Variants in NCALD observed in about 807,000 individuals in gnomAD.
NCALD encodes the protein neurocalcin delta.
A neutral mutation model predicts 18.6 loss-of-function variants in NCALD; 10 were observed. The observed-to-expected ratio is 0.54, with a 90% confidence interval of 0.33 to 0.91. The LOEUF (loss-of-function observed/expected upper bound fraction) is 0.91, where lower values mean the gene tolerates loss of function less well. NCALD is among the 40% of genes least tolerant of loss of function. NCALD has a pLI of 0.03. For synonymous variants in NCALD, 88 were observed against 87.4 expected, an observed-to-expected ratio of 1.01 and a Z score of -0.04; for missense variants, 184 against 247.6, an observed-to-expected ratio of 0.74 and a Z score of 1.72.
chr8:101,954,515 A>G (rs1257113982), intron 2 of NCALD, among the ~76,000 whole-genome samples: 2 of 152,094 alleles, frequency 1.3e-5, no homozygotes, highest in African/African-American at 4.8e-5. Context: ...TACTCTTACC[A>G]TGAGGGAAAC....
intron 2 of NCALD, among the ~76,000 whole-genome samples, chr8:101,985,789 A>T (rs1380492034): frequency 9.2e-5 from 14 of 152,114 alleles, no homozygotes; most frequent in Non-Finnish European, 2.1e-4. Context: ...ATTTATACTC[A>T]ACATTTCTTC....
intron 3 of NCALD, among the ~76,000 whole-genome samples, chr8:101,896,417 A>G (rs867589126): frequency 6.6e-6 from 1 of 152,166 alleles, no homozygotes; most frequent in African/African-American, 2.4e-5. Flanking sequence ...AAACCCTAGA[A>G]GAAAACCTAG....
At chr8:101,787,448 C>T (rs1483148483) in intron 1 of NCALD, among the ~76,000 whole-genome samples, 1 of 152,182 alleles carries the variant, frequency 6.6e-6, no homozygotes, top group Non-Finnish European at 1.5e-5. Context: ...TCATAGCTCC[C>T]ATTCTCTTAC....
intron 1 of NCALD, among the ~76,000 whole-genome samples, chr8:102,043,692 G>A (rs914594713): frequency 4.8e-5 from 7 of 146,884 alleles, no homozygotes; most frequent in African/African-American, 1.8e-4. Flanking sequence ...AGACGAGGAG[G>A]AGGAGGAAGA....
chr8:101,724,529 A>C (rs776980606), intron 1 of NCALD, among the ~76,000 whole-genome samples: 5 of 152,242 alleles, frequency 3.3e-5, no homozygotes, highest in Non-Finnish European at 5.9e-5. Context: ...GAGTTTAATG[A>C]TATGAGTTCA....
intron 4 of NCALD, among the ~76,000 whole-genome samples, chr8:101,809,620 C>A (rs1813232968): frequency 6.6e-6 from 1 of 152,174 alleles, no homozygotes; most frequent in Admixed American, 6.5e-5. Context: ...GATCTCAGTT[C>A]ACTGCAAACT....
intron 2 of NCALD, among the ~76,000 whole-genome samples, chr8:102,014,018 G>A (rs1440114862): frequency 2.6e-5 from 4 of 152,140 alleles, no homozygotes. Context: ...GACCCTGTGG[G>A]CCAGGTTTTT....
chr8:101,879,493 G>C (rs1309735439), intron 4 of NCALD, among the ~76,000 whole-genome samples: 1 of 151,696 alleles, frequency 6.6e-6, no homozygotes, highest in Non-Finnish European at 1.5e-5. Context: ...AGCTCATAAA[G>C]ACAGTACAGA....
At chr8:102,000,055 C>T (rs920286800) in intron 2 of NCALD, among the ~76,000 whole-genome samples, 10 of 152,166 alleles carry the variant, frequency 6.6e-5, no homozygotes, top group African/African-American at 9.7e-5. Flanking sequence ...GTGGGTCCAG[C>T]GCACCGAGCG....
intron 1 of NCALD, among the ~76,000 whole-genome samples, chr8:101,789,632 A>G (rs1367147996): frequency 6.6e-6 from 1 of 152,228 alleles, no homozygotes; most frequent in Non-Finnish European, 1.5e-5. Context: ...CACACTGTGA[A>G]TATATGGTAT....
chr8:101,975,949 C>T (rs541111329), intron 2 of NCALD, among the ~76,000 whole-genome samples: 1 of 152,260 alleles, frequency 6.6e-6, no homozygotes, highest in East Asian at 1.9e-4. Context: ...GTCTTGACTG[C>T]TGGTTGGGTT....
intron 3 of NCALD, among the ~76,000 whole-genome samples, chr8:101,909,705 C>T (rs16868711): frequency 0.046 from 7,023 of 152,158 alleles, 264 homozygotes; most frequent in African/African-American, 0.1. Flanking sequence ...CAAGGCTAAA[C>T]AGCTAGTATA....
chr8:101,714,769 G>A (rs1815984807), intron 2 of NCALD, among the ~76,000 whole-genome samples: 1 of 151,150 alleles, frequency 6.6e-6, no homozygotes, highest in African/African-American at 2.5e-5. Flanking sequence ...GGCCGAGGCG[G>A]GTGGATCATG....
intron 1 of NCALD, among the ~76,000 whole-genome samples, chr8:102,097,576 C>A (rs2132399763): frequency 6.6e-6 from 1 of 152,296 alleles, no homozygotes; most frequent in Non-Finnish European, 1.5e-5. Flanking sequence ...GGTCATGAAG[C>A]CCAAGGCCAG....
chr8:102,046,832 G>A (rs1052188888), intron 1 of NCALD, among the ~76,000 whole-genome samples: 4 of 150,492 alleles, frequency 2.7e-5, no homozygotes, highest in Non-Finnish European at 5.9e-5. Flanking sequence ...TTTAGGTTTG[G>A]GGGCTACATA....
At chr8:101,885,514 G>A (rs1418436010) in intron 4 of NCALD, among the ~76,000 whole-genome samples, 1 of 152,188 alleles carries the variant, frequency 6.6e-6, no homozygotes, top group East Asian at 1.9e-4. Flanking sequence ...AGTCAAGCAG[G>A]GAGTGGCTTC....
At chr8:101,811,387 G>A (rs1473563545) in intron 4 of NCALD, among the ~76,000 whole-genome samples, 1 of 152,122 alleles carries the variant, frequency 6.6e-6, no homozygotes, top group Admixed American at 6.6e-5. Flanking sequence ...AAAAGGAAAG[G>A]AAGTTGATCC....
At chr8:102,100,415 G>C (rs1163801667) in intron 1 of NCALD, among the ~76,000 whole-genome samples, 1 of 152,138 alleles carries the variant, frequency 6.6e-6, no homozygotes, top group Non-Finnish European at 1.5e-5. Flanking sequence ...ATTTTCATGA[G>C]ATGTCTTTTT....
chr8:101,939,855 A>G (rs1818893209), intron 2 of NCALD, among the ~76,000 whole-genome samples: 2 of 152,170 alleles, frequency 1.3e-5, no homozygotes, highest in Admixed American at 1.3e-4. Context: ...TACTATTAAG[A>G]GATTCTGAGA....
Sources: allele counts gnomAD v4.1 joint callset (sites outside exome capture counted in the v4.1 genomes callset), GRCh38; gene constraint gnomAD v4.1.1; transcripts MANE v1.5; gene names NCBI Gene and HGNC (gene_info 2026-07-23, HGNC 2026-07-21).